GMCL1: variants seen among roughly 807,000 people sequenced by gnomAD.
GMCL1 encodes germ cell-less protein-like 1.
In GMCL1, 54 loss-of-function variants were observed where a neutral mutation model predicts 75.5. The ratio of observed to expected loss-of-function variants is 0.71; its 90% CI spans 0.57 to 0.90. The LOEUF (loss-of-function observed/expected upper bound fraction) is 0.90. Ranked by LOEUF, GMCL1 falls within the 40% of genes least tolerant of loss-of-function variation. The pLI, the probability that GMCL1 is intolerant of heterozygous loss-of-function variation, is 0.00. For missense variants in GMCL1, 537 were observed against 622.7 expected (o/e 0.86, Z 1.47); for synonymous variants, 210 against 209.6 (o/e 1.00, Z -0.02).
intron 2 of GMCL1, among the ~76,000 whole-genome samples, chr2:69,838,543 A>T (rs765638505): frequency 5.9e-5 from 9 of 152,138 alleles, no homozygotes; most frequent in Non-Finnish European, 1.3e-4. Flanking sequence ...CTGGTAAGAC[A>T]GCATAGTATA....
intron 10 of GMCL1, 64 bp downstream of exon 10, chr2:69,861,411 C>A: frequency 2.1e-6 from 2 of 965,418 alleles, no homozygotes; most frequent in Non-Finnish European, 3.2e-6. Context: ...TTAATGCATT[C>A]ATTATGTTGA....
Position 69,857,181 on chromosome 2 carries a change from C to A in GMCL1, c.1072+2221C>A, listed in dbSNP as rs114547579. On this transcript the variant is annotated intron_variant, in intron 9 of 13. Transcript: ENST00000282570. ...AGCCCTTCATTTTCTGCCAGTCTTT[C>A]AAACCTCTCCTGTCTTTTCTTCCCT... Among the ~76,000 whole-genome samples the A allele has an allele frequency of 5.5e-3, 830 of 152,282 alleles. 2 individuals are homozygous for A. The highest frequency in any genetic ancestry group is 0.01 in the Non-Finnish European group (689 of 68,018).
chr2:69,870,534 T>A lies in GMCL1; in HGVS notation c.1364+670T>A, dbSNP rs561057454. 4.6e-5 allele frequency among the ~76,000 whole-genome samples: 7 copies of A among 152,136 alleles called. No individual in the cohort carries two copies. In the East Asian group the frequency reaches 1.4e-3, roughly 29 times the overall value. On this transcript the variant is annotated intron_variant, in intron 12 of 13. Coordinates refer to ENST00000282570, the MANE Select transcript of GMCL1 (RefSeq NM_178439.5). ...ATTGGACTTCATCAAAATCACAAACTTGTGTATCAGAGGACAGTGTCAAGA... is the reference window on the plus strand; with the variant it reads ...ATTGGACTTCATCAAAATCACAAACATGTGTATCAGAGGACAGTGTCAAGA...
chr2:69,878,806 TCA>T (rs1302788162), intron 13 of GMCL1, 101 bp from the exon 14 acceptor site: 9 of 798,054 alleles, frequency 1.1e-5, no homozygotes, highest in Non-Finnish European at 1.5e-5. Flanking sequence ...GTTGTGGATC[TCA>T]GACTCAGGAC....
intron 9 of GMCL1, among the ~76,000 whole-genome samples, chr2:69,855,681 T>C (rs1419058733): frequency 2.6e-5 from 4 of 152,182 alleles, no homozygotes; most frequent in Non-Finnish European, 5.9e-5. Flanking sequence ...TAGAGTTAAC[T>C]CTTCTGGTAT....
At chr2:69,850,140 A>G (rs949741025) in intron 8 of GMCL1, among the ~76,000 whole-genome samples, 1 of 152,166 alleles carries the variant, frequency 6.6e-6, no homozygotes, top group Non-Finnish European at 1.5e-5. Context: ...GGGGCCATAG[A>G]TAGGCTTTCA....
chr2:69,858,386 T>C (rs759108249), intron 9 of GMCL1, among the ~76,000 whole-genome samples: 13 of 152,208 alleles, frequency 8.5e-5, no homozygotes, highest in Admixed American at 2.0e-4. Flanking sequence ...TATTACTATT[T>C]AGTCAAAATT....
At chr2:69,843,658 C>T (rs1675049329) in intron 5 of GMCL1, among the ~76,000 whole-genome samples, 1 of 152,134 alleles carries the variant, frequency 6.6e-6, no homozygotes, top group Non-Finnish European at 1.5e-5. Flanking sequence ...GGCATGGTGG[C>T]ATGCACCTGT....
At chr2:69,863,571 G>A (rs1573366221) in intron 10 of GMCL1, among the ~76,000 whole-genome samples, 1 of 152,184 alleles carries the variant, frequency 6.6e-6, no homozygotes, top group African/African-American at 2.4e-5. Context: ...AGGGATTATA[G>A]TATTGCTGTT....
intron 11 of GMCL1, among the ~76,000 whole-genome samples, chr2:69,865,711 T>G (rs1675795717): frequency 6.6e-6 from 1 of 152,160 alleles, no homozygotes. Flanking sequence ...AAGAAAAGTA[T>G]TTAAAAACAA....
At chr2:69,834,455 C>T (rs960752726) in intron 1 of GMCL1, among the ~76,000 whole-genome samples, 2 of 152,164 alleles carry the variant, frequency 1.3e-5, no homozygotes, top group African/African-American at 4.8e-5. Context: ...GTAATTTGTG[C>T]GTATCTAAAT....
At chr2:69,851,667 G>A (rs879652214) in intron 8 of GMCL1, among the ~76,000 whole-genome samples, 1 of 152,088 alleles carries the variant, frequency 6.6e-6, no homozygotes, top group Non-Finnish European at 1.5e-5. Context: ...CCAGCTACTG[G>A]GGGGAGGATC....
intron 13 of GMCL1, 37 bp downstream of exon 13, chr2:69,871,869 T>G (rs1324561559): frequency 8.1e-7 from 1 of 1,237,310 alleles, no homozygotes; most frequent in Non-Finnish European, 1.2e-6. Flanking sequence ...CATCATAATA[T>G]TTGTCTTTTG....
rs181504654 is a variant in GMCL1 at position 69,861,497 on chromosome 2, A to G, written c.1142+150A>G. On this transcript the variant is annotated intron_variant, in intron 10 of 13. Coordinates refer to ENST00000282570, the MANE Select transcript of GMCL1 (RefSeq NM_178439.5). ...AATCACTTTTTATTATATTTTTGCAACATTATCAGTCTTATAAATGTCTTT... is the reference window on the plus strand; with the variant it reads ...AATCACTTTTTATTATATTTTTGCAGCATTATCAGTCTTATAAATGTCTTT... 1.1e-5 allele frequency: 6 copies of G among 529,652 alleles called. No individual in the cohort carries two copies. In the East Asian group the frequency reaches 1.2e-4, roughly 11 times the overall value. 32.8% of individuals were successfully genotyped at this position (529,652 alleles called of 1,614,324 possible). A position where few individuals can be genotyped will look rare whatever the true frequency, so the allele number is the denominator to read the frequency against.
At chr2:69,867,675 G>A in intron 11 of GMCL1, among the ~76,000 whole-genome samples, 1 of 152,074 alleles carries the variant, frequency 6.6e-6, no homozygotes, top group Non-Finnish European at 1.5e-5. Flanking sequence ...AAACTCACCT[G>A]GCTAAACCCC....
At chr2:69,849,853 A>G (rs1675261958) in intron 8 of GMCL1, 111 bp downstream of exon 8, 1 of 572,180 alleles carries the variant, frequency 1.7e-6, no homozygotes, top group Admixed American at 3.8e-5. Flanking sequence ...TCAGGCCCTG[A>G]CTTGTTTATA....
chr2:69,878,418 A>G (rs1427967881), intron 13 of GMCL1, among the ~76,000 whole-genome samples: 1 of 152,194 alleles, frequency 6.6e-6, no homozygotes, highest in Non-Finnish European at 1.5e-5. Flanking sequence ...AGGATGAGGC[A>G]GGAAGATCTC....
intron 13 of GMCL1, among the ~76,000 whole-genome samples, chr2:69,877,183 G>C (rs145296993): frequency 2.1e-3 from 323 of 152,340 alleles, no homozygotes; most frequent in African/African-American, 7.5e-3. Flanking sequence ...CAATGCAAAT[G>C]TAGATGCAGA....
At chr2:69,846,728 T>C (rs1293032928) in intron 6 of GMCL1, among the ~76,000 whole-genome samples, 1 of 152,220 alleles carries the variant, frequency 6.6e-6, no homozygotes, top group Non-Finnish European at 1.5e-5. Context: ...TTTCTTGATC[T>C]TATTGTCTTG....
Sources: gnomAD v4.1 joint callset for allele counts (sites outside exome capture counted in the v4.1 genomes callset) on GRCh38, gnomAD v4.1.1 for gene constraint, MANE v1.5 for transcripts, NCBI Gene and HGNC (gene_info 2026-07-23, HGNC 2026-07-21) for gene names.